ZNF365: variants seen among roughly 807,000 people sequenced by gnomAD.
ZNF365 encodes the protein zinc finger protein 365, also known as protein ZNF365.
A neutral mutation model predicts 35.0 loss-of-function variants in ZNF365; 22 were observed. The observed-to-expected ratio is 0.63, with a 90% CI of 0.45 to 0.90. ZNF365 has a LOEUF of 0.90. Among genes scored for constraint, ZNF365 ranks in the 40% least tolerant of loss-of-function variants. The pLI is 0.00. For synonymous variants in ZNF365, 188 were observed against 196.2 expected (o/e 0.96, Z 0.35); for missense variants, 448 against 500.3 (o/e 0.90, Z 1.00).
In ZNF365 at chr10:62,424,237, A is replaced by G. The variant is rs996951235; in HGVS notation, c.925-35504A>G. Among the ~76,000 whole-genome samples the G allele has an allele frequency of 1.2e-4, 18 of 152,130 alleles. No individual in the cohort carries two copies. The South Asian group carries it at 2.1e-3, about 18-fold the overall frequency. ...ATCCCATTACTGCCCCCTTGCTATC[A>G]AATTTAACACTTAATGTTCTTTTTG... On this transcript the variant is annotated intron_variant, in intron 3 of 4. Coordinates refer to the ZNF365 transcript ENST00000395255.
intron 2 of ZNF365, among the ~76,000 whole-genome samples, chr10:62,382,145 C>A (rs538810121): frequency 4.4e-4 from 67 of 152,308 alleles, no homozygotes; most frequent in Non-Finnish European, 2.4e-4. Flanking sequence ...GAATGCTGGC[C>A]TTTAAAAGGC....
At chr10:62,444,241 C>G (rs986921651) in intron 3 of ZNF365, among the ~76,000 whole-genome samples, 1 of 152,172 alleles carries the variant, frequency 6.6e-6, no homozygotes, top group Non-Finnish European at 1.5e-5. Flanking sequence ...CCCTGGGAGG[C>G]TGATCCCTGC....
At chr10:62,435,686 CT>C (rs1840395971) in intron 3 of ZNF365, among the ~76,000 whole-genome samples, 1 of 152,172 alleles carries the variant, frequency 6.6e-6, no homozygotes. Context: ...CTCATCCATT[CT>C]TTTAGCTACC....
Position 62,475,780 on chromosome 10 carries a change from T to C in ZNF365, c.982-4096T>C, listed in dbSNP as rs993312983. On this transcript the variant is annotated intron_variant, in intron 4 of 4. Coordinates refer to the ZNF365 transcript ENST00000395255. ...GCCTTGTTTTGAGAAGAAGCTGGTT[T>C]TTCTGAGGCAGGCCCAATTAAGCCA... Among the ~76,000 whole-genome samples the C allele has an allele frequency of 2.6e-5, 4 of 152,296 alleles. No individual in the cohort carries two copies. In the South Asian group the frequency reaches 6.2e-4, roughly 24 times the overall value.
intron 3 of ZNF365, among the ~76,000 whole-genome samples, chr10:62,446,137 T>G (rs1295467925): frequency 6.6e-6 from 1 of 152,190 alleles, no homozygotes; most frequent in African/African-American, 2.4e-5. Flanking sequence ...TATGAGAAAG[T>G]TCTCAGGAGT....
chr10:62,394,563 G>T (rs1343733227), intron 3 of ZNF365, among the ~76,000 whole-genome samples: 1 of 152,166 alleles, frequency 6.6e-6, no homozygotes, highest in Non-Finnish European at 1.5e-5. Context: ...AGGTCACTTT[G>T]TGTCTAATTC....
At chr10:62,398,564 A>G (rs568950065) in intron 3 of ZNF365, among the ~76,000 whole-genome samples, 176 bp from the exon 4 acceptor site, 1 of 152,302 alleles carries the variant, frequency 6.6e-6, no homozygotes, top group East Asian at 1.9e-4. Flanking sequence ...GCAAAGGCTG[A>G]GCATGAGATG....
At chr10:62,451,069 A>G (rs372114712) in intron 3 of ZNF365, among the ~76,000 whole-genome samples, 16 of 152,312 alleles carry the variant, frequency 1.1e-4, no homozygotes, top group African/African-American at 3.8e-4. Flanking sequence ...CATGCCCCAA[A>G]TGAAACTACG....
chr10:62,445,522 C>T (rs535346452), intron 3 of ZNF365, among the ~76,000 whole-genome samples: 8 of 152,312 alleles, frequency 5.3e-5, no homozygotes, highest in Admixed American at 2.0e-4. Context: ...CCAGGTCGCT[C>T]ATCAGAATTG....
chr10:62,429,873 G>A (rs1464159794), intron 3 of ZNF365, among the ~76,000 whole-genome samples: 3 of 152,074 alleles, frequency 2.0e-5, no homozygotes, highest in East Asian at 1.9e-4. Flanking sequence ...TTGCACTAGC[G>A]TTACTCACCA....
At chr10:62,388,815 G>C (rs140880170) in intron 3 of ZNF365, among the ~76,000 whole-genome samples, 11 of 152,288 alleles carry the variant, frequency 7.2e-5, no homozygotes, top group Non-Finnish European at 1.3e-4. Context: ...TCCACATCAT[G>C]CTGAGTTGGT....
intron 3 of ZNF365, among the ~76,000 whole-genome samples, chr10:62,458,956 T>A (rs1454626977): frequency 6.6e-6 from 1 of 152,138 alleles, no homozygotes; most frequent in Non-Finnish European, 1.5e-5. Context: ...ATCCTGAGAG[T>A]AGCTGGTGAA....
intron 3 of ZNF365, among the ~76,000 whole-genome samples, chr10:62,389,070 A>G (rs1220577654): frequency 2.0e-5 from 3 of 152,198 alleles, no homozygotes; most frequent in Non-Finnish European, 2.9e-5. Flanking sequence ...TTTCAAAAAG[A>G]CTGAAAGATT....
intron 3 of ZNF365, among the ~76,000 whole-genome samples, chr10:62,433,478 A>C (rs1400984625): frequency 6.6e-6 from 1 of 152,214 alleles, no homozygotes; most frequent in East Asian, 1.9e-4. Context: ...TTGCTCATGC[A>C]CAGATGGACT....
chr10:62,456,409 AATT>A, intron 3 of ZNF365, among the ~76,000 whole-genome samples: 1 of 152,180 alleles, frequency 6.6e-6, no homozygotes, highest in Non-Finnish European at 1.5e-5. Context: ...TAAGATGAGA[AATT>A]ATTTTGTGTA....
chr10:62,445,497 G>A (rs1048194587), intron 3 of ZNF365, among the ~76,000 whole-genome samples: 7 of 152,212 alleles, frequency 4.6e-5, no homozygotes, highest in African/African-American at 1.7e-4. Context: ...AAGAGCAGGG[G>A]TGAGGCAGCC....
chr10:62,407,114 A>C (rs1363739518), downstream of ZNF365, among the ~76,000 whole-genome samples: 1 of 152,132 alleles, frequency 6.6e-6, no homozygotes, highest in East Asian at 1.9e-4. Context: ...ACTGGCTGTC[A>C]CTCCTCTTAT....
intron 3 of ZNF365, among the ~76,000 whole-genome samples, chr10:62,438,226 T>G (rs890954317): frequency 7.3e-5 from 11 of 151,250 alleles, no homozygotes; most frequent in Non-Finnish European, 1.5e-4. Flanking sequence ...TCTCACTCCA[T>G]CACCCAGGCT....
chr10:62,417,494 G>A (rs1045528007), intron 3 of ZNF365, among the ~76,000 whole-genome samples: 2 of 152,030 alleles, frequency 1.3e-5, no homozygotes, highest in African/African-American at 4.8e-5. Flanking sequence ...TAGAAAATGA[G>A]AAGAAATGAA....
Sources: gnomAD v4.1 joint callset for allele counts (sites outside exome capture counted in the v4.1 genomes callset) on GRCh38, gnomAD v4.1.1 for gene constraint, MANE v1.5 for transcripts, NCBI Gene and HGNC (gene_info 2026-07-23, HGNC 2026-07-21) for gene names.